The following DDHD1 variants were observed in gnomAD, a reference collection of about 807,000 sequenced individuals.
DDHD1 encodes the protein phospholipase DDHD1.
DDHD1 carries 49 observed loss-of-function variants against 96.4 expected under a neutral mutation model. The observed-to-expected ratio is 0.51, with a 90% CI of 0.40 to 0.64. DDHD1 has a LOEUF of 0.64. Ranked by LOEUF, DDHD1 falls within the 30% of genes least tolerant of loss-of-function variation. The pLI, the probability that DDHD1 is intolerant of heterozygous loss-of-function variation, is 0.00. For synonymous variants in DDHD1, 442 were observed against 446.5 expected (o/e 0.99, Z 0.13); for missense variants, 1,106 against 1,161.2 (o/e 0.95, Z 0.69).
chr14:53,094,573 TA>T (rs1179617259), intron 2 of DDHD1, among the ~76,000 whole-genome samples: 1 of 147,660 alleles, frequency 6.8e-6, no homozygotes, highest in African/African-American at 2.5e-5. Flanking sequence ...GGCATGGTGA[TA>T]TGTGCCTGTG....
At chr14:53,072,905 G>C (rs553478969) in intron 5 of DDHD1, among the ~76,000 whole-genome samples, 154 of 151,734 alleles carry the variant, frequency 1.0e-3, no homozygotes, top group African/African-American at 3.6e-3. Flanking sequence ...CAACATAGGA[G>C]ATGAAAAGAA....
intron 1 of DDHD1, among the ~76,000 whole-genome samples, chr14:53,108,498 C>T (rs113464032): frequency 0.02 from 3,027 of 152,232 alleles, 110 homozygotes; most frequent in African/African-American, 0.07. Context: ...GAGCAAGGAC[C>T]CCTGGTAACA....
intron 1 of DDHD1, among the ~76,000 whole-genome samples, chr14:53,133,273 TATA>T (rs1890003982): frequency 1.3e-5 from 2 of 152,204 alleles, no homozygotes; most frequent in Non-Finnish European, 2.9e-5. Flanking sequence ...GTCAGGAAAC[TATA>T]ATACCTCTTG....
intron 2 of DDHD1, chr14:53,102,927 A>C: frequency 8.4e-7 from 1 of 1,183,656 alleles, no homozygotes. Context: ...AGAGCTTGCC[A>C]AGAAACCTCC....
intron 2 of DDHD1, 180 bp from the exon 3 acceptor site, chr14:53,093,624 A>C (rs1188355189): frequency 1.1e-5 from 7 of 650,508 alleles, no homozygotes; most frequent in Non-Finnish European, 1.7e-5. Flanking sequence ...ATGGATAGGG[A>C]CTTTATTTTA....
intron 1 of DDHD1, among the ~76,000 whole-genome samples, chr14:53,106,502 T>C (rs1051816739): frequency 3.9e-5 from 6 of 152,000 alleles, no homozygotes; most frequent in African/African-American, 1.2e-4. Flanking sequence ...CTACTAAAAA[T>C]ATAAAAATTA....
chr14:53,094,955 G>A (rs1323620144), intron 2 of DDHD1, among the ~76,000 whole-genome samples: 2 of 152,022 alleles, frequency 1.3e-5, no homozygotes, highest in African/African-American at 4.8e-5. Flanking sequence ...GAATTCGTAA[G>A]CCCCAGGAGC....
At chr14:53,051,745 A>T in intron 12 of DDHD1, 99 bp downstream of exon 12, 3 of 897,960 alleles carry the variant, frequency 3.3e-6, no homozygotes, top group Non-Finnish European at 5.1e-6. Flanking sequence ...TGAAGCTGGG[A>T]TCTCATAGAA....
chr14:53,055,608 T>C, intron 10 of DDHD1, 52 bp downstream of exon 10: 1 of 1,251,070 alleles, frequency 8.0e-7, no homozygotes, highest in Non-Finnish European at 1.2e-6. Context: ...CCCAAACTTA[T>C]GTCTAGGAAA....
At chr14:53,087,173 AC>A (rs1218602146) in intron 4 of DDHD1, among the ~76,000 whole-genome samples, 3 of 151,872 alleles carry the variant, frequency 2.0e-5, no homozygotes, top group South Asian at 2.1e-4. Flanking sequence ...GTCCTTAGAG[AC>A]CCTACAAAGA....
At chr14:53,130,238 C>T (rs1889767018) in intron 1 of DDHD1, among the ~76,000 whole-genome samples, 1 of 152,170 alleles carries the variant, frequency 6.6e-6, no homozygotes, top group Non-Finnish European at 1.5e-5. Flanking sequence ...CCCCTACCTG[C>T]CCAACAATTT....
intron 5 of DDHD1, among the ~76,000 whole-genome samples, chr14:53,073,514 T>C (rs982386572): frequency 6.6e-5 from 10 of 152,066 alleles, no homozygotes; most frequent in Non-Finnish European, 1.5e-4. Context: ...AACAGTGCTA[T>C]CTATGAAATC....
chr14:53,133,616 C>G (rs952783699), intron 1 of DDHD1, among the ~76,000 whole-genome samples: 3 of 152,140 alleles, frequency 2.0e-5, no homozygotes, highest in African/African-American at 7.2e-5. Context: ...TTGCCCTTCT[C>G]AGAATTCGGG....
At chr14:53,080,562 T>C (rs12887996) in intron 4 of DDHD1, among the ~76,000 whole-genome samples, 4,091 of 152,196 alleles carry the variant, frequency 0.027, 69 homozygotes, top group Non-Finnish European at 0.037. Context: ...GCCATATATT[T>C]TTTTTCCTAG....
Position 53,039,566 on chromosome 14 carries a change from G to T in DDHD1, c.*7202C>A, listed in dbSNP as rs1038302650. ...AGGAAAGGATTCAAGACATGGAATT[G>T]GCTAGGAGAGGATCCAAAAGGAGGG... On this transcript the variant is annotated 3_prime_UTR_variant, in exon 13 of 13. Transcript: ENST00000673822. The T allele has an allele frequency of 1.3e-5, 2 of 152,292 alleles. No homozygotes were observed. Among genetic ancestry groups the T allele is most frequent in the Non-Finnish European group, 2.9e-5 (2 of 68,124 alleles). 9.4% of individuals were successfully genotyped at this position (152,292 alleles called of 1,614,324 possible). A position where few individuals can be genotyped will look rare whatever the true frequency, so the allele number is the denominator to read the frequency against.
At position 53,054,593 on chromosome 14, in the gene DDHD1, A is replaced by G; in HGVS notation, c.2282T>C (p.Leu761Ser). 1 of 1,614,060 alleles carries G rather than the reference A, an allele frequency of 6.2e-7. No individual in the cohort carries two copies. The highest frequency in any genetic ancestry group is 8.5e-7 in the Non-Finnish European group (1 of 1,179,962). The change falls in exon 11 of 13, where the codon TTG becomes TCG. Residue 761 changes from leucine (L) to serine (S), a missense_variant. Leu to Ser is a moderately radical substitution (Grantham distance 145). Transcript: ENST00000673822. ...ASIGKGLGGM[L>S]FSRFGRSSTT... is the part of the protein sequence containing the mutation. ...AGATGAACGTCCAAATCTTGAGAAC[A>G]ACATTCCTCCAAGTCCCTTTCCAAT...
At position 53,152,889 on chromosome 14, in the gene DDHD1, G is replaced by A; in HGVS notation, c.210C>T (p.Gly70=). Residue 70 remains glycine, a synonymous_variant, in exon 1 of 13, where the codon GGC becomes GGT. Coordinates refer to ENST00000673822, the MANE Select transcript of DDHD1 (RefSeq NM_001160148.2). ...RGEPGLHLAP[G]TDDHNHHLAL... is the part of the protein sequence containing the mutation. ...CGAGGTGGTGGTTGTGGTCGTCGGT[G>A]CCCGGCGCCAAATGCAGCCCGGGTT... The A allele has an allele frequency of 6.2e-7, 1 of 1,609,382 alleles. No homozygotes were observed. Among genetic ancestry groups the A allele is most frequent in the Non-Finnish European group, 8.5e-7 (1 of 1,178,146 alleles).
chr14:53,091,095 T>G (rs181328507), intron 4 of DDHD1, among the ~76,000 whole-genome samples: 1 of 152,306 alleles, frequency 6.6e-6, no homozygotes, highest in Non-Finnish European at 1.5e-5. Context: ...CTTGTTCTCT[T>G]GGCATCATCT....
intron 1 of DDHD1, among the ~76,000 whole-genome samples, chr14:53,127,703 A>T (rs1012769071): frequency 3.3e-5 from 5 of 152,192 alleles, no homozygotes; most frequent in Non-Finnish European, 1.5e-5. Context: ...ACAAATACAT[A>T]CTAAGACCTG....
Sources: gnomAD v4.1 joint callset for allele counts (sites outside exome capture counted in the v4.1 genomes callset) on GRCh38, gnomAD v4.1.1 for gene constraint, MANE v1.5 for transcripts, NCBI Gene and HGNC (gene_info 2026-07-23, HGNC 2026-07-21) for gene names.